The following KIRREL3 variants were observed in gnomAD, a reference collection of about 807,000 sequenced individuals.
KIRREL3 encodes the protein kirre like nephrin family adhesion molecule 3.
A neutral mutation model predicts 89.7 loss-of-function variants in KIRREL3; 36 were observed. That is an observed-to-expected ratio of 0.40 (90% CI 0.31 to 0.53). The LOEUF (loss-of-function observed/expected upper bound fraction) is 0.53, where lower values mean the gene tolerates loss of function less well. Among genes scored for constraint, KIRREL3 ranks in the 20% least tolerant of loss-of-function variants. KIRREL3 has a pLI of 0.49. For synonymous variants in KIRREL3, 445 were observed against 441.4 expected (o/e 1.01, Z -0.10); for missense variants, 864 against 1,056.6 (o/e 0.82, Z 2.53).
intron 1 of KIRREL3, among the ~76,000 whole-genome samples, chr11:126,758,173 T>C (rs1248094722): frequency 6.6e-6 from 1 of 152,254 alleles, no homozygotes; most frequent in Non-Finnish European, 1.5e-5. Flanking sequence ...TAAATGACTT[T>C]TCGATAAAGC....
chr11:126,426,042 A>T (rs1460791436), intron 15 of KIRREL3, among the ~76,000 whole-genome samples: 1 of 152,250 alleles, frequency 6.6e-6, no homozygotes, highest in Non-Finnish European at 1.5e-5. Context: ...AATTCCATTG[A>T]CTGAACGTTT....
intron 1 of KIRREL3, among the ~76,000 whole-genome samples, chr11:126,593,627 C>G (rs544932183): frequency 1.8e-4 from 27 of 152,348 alleles, no homozygotes; most frequent in African/African-American, 4.8e-4. Context: ...ATGCATGAGA[C>G]AATCTGGAAT....
chr11:126,952,823 T>G (rs1208653609), intron 1 of KIRREL3, among the ~76,000 whole-genome samples: 1 of 152,124 alleles, frequency 6.6e-6, no homozygotes, highest in South Asian at 2.1e-4. Flanking sequence ...CATCAAAAAG[T>G]CAGGAAACAA....
rs934664244 is a variant in KIRREL3, at chr11:126,555,489, G to A, written c.133+7346C>T. On this transcript the variant is annotated intron_variant, in intron 2 of 16. Transcript: ENST00000525144. The surrounding 1 kb of genome is among the most constrained non-coding windows in gnomAD (Gnocchi z 4.2). Reference sequence around the variant, plus strand: ...ATGGGTCAGTGGAGGCATCACTGGAGCAGAGACTTGAGCTGTGATTTGAAG... The same window carrying A: ...ATGGGTCAGTGGAGGCATCACTGGAACAGAGACTTGAGCTGTGATTTGAAG... 3.3e-5 allele frequency among the ~76,000 whole-genome samples: 5 copies of A among 152,184 alleles called. No individual in the cohort carries two copies. Among genetic ancestry groups the A allele is most frequent in the African/African-American group, 1.2e-4 (5 of 41,438 alleles).
intron 1 of KIRREL3, among the ~76,000 whole-genome samples, chr11:126,832,902 T>C (rs1466020451): frequency 6.6e-6 from 1 of 152,130 alleles, no homozygotes; most frequent in Non-Finnish European, 1.5e-5. Context: ...TTTGTTCGAG[T>C]AGACTTCACT....
chr11:126,734,422 G>A lies in KIRREL3; in HGVS notation c.56-171510C>T, dbSNP rs1466292864. ...CTCATGCATGTAATCCCAGCACTTT[G>A]CGTGGCTGAGGTGGGTGGATCACCT... On this transcript the variant is annotated intron_variant, in intron 1 of 16. Transcript: ENST00000525144. This position sits in a 1 kb window ranked among gnomAD's most constrained non-coding sequence, Gnocchi z 5.9. Among the ~76,000 whole-genome samples, 2 of 152,166 alleles carry A rather than the reference G, an allele frequency of 1.3e-5. No homozygotes were observed. Among genetic ancestry groups the A allele is most frequent in the African/African-American group, 4.8e-5 (2 of 41,446 alleles).
Position 126,530,746 on chromosome 11 carries a change from C to T in KIRREL3, c.134-4059G>A, listed in dbSNP as rs542302361. Reference sequence around the variant, plus strand: ...TCCACCGGCCCAGGGTTTCCATCTTCTCCGCTTCGCATTTTCCCTGATGAT... The same window carrying T: ...TCCACCGGCCCAGGGTTTCCATCTTTTCCGCTTCGCATTTTCCCTGATGAT... On this transcript the variant is annotated intron_variant, in intron 2 of 16. Coordinates refer to ENST00000525144, the MANE Select transcript of KIRREL3 (RefSeq NM_032531.4). The surrounding 1 kb of genome is among the most constrained non-coding windows in gnomAD (Gnocchi z 5.8). 1.8e-4 allele frequency among the ~76,000 whole-genome samples: 27 copies of T among 152,334 alleles called. No homozygotes were observed. In the South Asian group the frequency reaches 5.6e-3, roughly 32 times the overall value.
chr11:126,879,708 T>C lies in KIRREL3; in HGVS notation c.55+120747A>G, dbSNP rs1300552293. Among the ~76,000 whole-genome samples, 1 of 152,214 alleles carries C rather than the reference T, an allele frequency of 6.6e-6. No individual in the cohort carries two copies. Among genetic ancestry groups the C allele is most frequent in the Non-Finnish European group, 1.5e-5 (1 of 68,036 alleles). On this transcript the variant is annotated intron_variant, in intron 1 of 16. Transcript: ENST00000525144. The surrounding 1 kb of genome is among the most constrained non-coding windows in gnomAD (Gnocchi z 5.4). ...ATATTTGTGGTTCAGTCATTTAACC[T>C]TTGCACATTTCTGAGTGGGTCATCT...
At chr11:126,577,089 A>G (rs1941293150) in intron 1 of KIRREL3, among the ~76,000 whole-genome samples, 1 of 152,156 alleles carries the variant, frequency 6.6e-6, no homozygotes, top group Non-Finnish European at 1.5e-5. Flanking sequence ...GGAAGAGAGA[A>G]ATAGAATGTC....
chr11:126,485,745 A>G lies in KIRREL3; in HGVS notation c.434-12279T>C, dbSNP rs1957343438. Among the ~76,000 whole-genome samples, 1 of 152,202 alleles carries G rather than the reference A, an allele frequency of 6.6e-6. No homozygotes were observed. The highest frequency in any genetic ancestry group is 2.4e-5 in the African/African-American group (1 of 41,444). On this transcript the variant is annotated intron_variant, in intron 4 of 16. Coordinates refer to ENST00000525144, the MANE Select transcript of KIRREL3 (RefSeq NM_032531.4). The surrounding 1 kb of genome is among the most constrained non-coding windows in gnomAD (Gnocchi z 5.8). Reference sequence around the variant, plus strand: ...TCTTGTTCTGCTATTACCTTGTTCCATGCCCAGCCCTGGACTCCTGAGATG... The same window carrying G: ...TCTTGTTCTGCTATTACCTTGTTCCGTGCCCAGCCCTGGACTCCTGAGATG...
chr11:126,670,815 C>A (rs930628396), intron 1 of KIRREL3, among the ~76,000 whole-genome samples: 1 of 152,172 alleles, frequency 6.6e-6, no homozygotes, highest in Non-Finnish European at 1.5e-5. Flanking sequence ...TTTGTAGATA[C>A]AACAAACTTA....
chr11:126,891,287 G>C lies in KIRREL3; in HGVS notation c.55+109168C>G, dbSNP rs1945909960. Reference sequence around the variant, plus strand: ...TATTCCTTATATCAAAAAGATCCTGGGATATCAAAATATCACTGTCTGACT... The same window carrying C: ...TATTCCTTATATCAAAAAGATCCTGCGATATCAAAATATCACTGTCTGACT... On this transcript the variant is annotated intron_variant, in intron 1 of 16. Transcript: ENST00000525144. This position sits in a 1 kb window ranked among gnomAD's most constrained non-coding sequence, Gnocchi z 5.1. Among the ~76,000 whole-genome samples, 1 of 152,076 alleles carries C rather than the reference G, an allele frequency of 6.6e-6. No homozygotes were observed.
In KIRREL3 at chr11:126,519,286, A is replaced by G. The variant is rs1391383349; in HGVS notation, c.433+2029T>C. ...GCCTGGCCCCTCACCAGCCAGACAG[A>G]TGAGATGCTGCTGGCATCTGGGAAC... On this transcript the variant is annotated intron_variant, in intron 4 of 16. Coordinates refer to ENST00000525144, the MANE Select transcript of KIRREL3 (RefSeq NM_032531.4). This position sits in a 1 kb window ranked among gnomAD's most constrained non-coding sequence, Gnocchi z 4.3. Among the ~76,000 whole-genome samples, 2 of 152,206 alleles carry G rather than the reference A, an allele frequency of 1.3e-5. No individual in the cohort carries two copies. Among genetic ancestry groups the G allele is most frequent in the East Asian group, 3.9e-4 (2 of 5,188 alleles).
At chr11:126,488,819 C>T (rs1316807139) in intron 4 of KIRREL3, among the ~76,000 whole-genome samples, 1 of 152,200 alleles carries the variant, frequency 6.6e-6, no homozygotes, top group East Asian at 1.9e-4. Context: ...ATCAAGTTGT[C>T]CCTCTGCTTA....
chr11:126,511,681 G>C (rs1286557344), intron 4 of KIRREL3, among the ~76,000 whole-genome samples: 2 of 152,144 alleles, frequency 1.3e-5, no homozygotes, highest in East Asian at 3.9e-4. Flanking sequence ...TCTGCCTTGG[G>C]TTGTGTGACT....
intron 1 of KIRREL3, among the ~76,000 whole-genome samples, chr11:126,774,768 A>G (rs1443460528): frequency 2.0e-5 from 3 of 152,130 alleles, no homozygotes; most frequent in Non-Finnish European, 4.4e-5. Context: ...TCTCTTGGAG[A>G]CAGAGACGCT....
rs373950632 is a variant in KIRREL3 at position 126,575,264 on chromosome 11, A to G, written c.56-12352T>C. On this transcript the variant is annotated intron_variant, in intron 1 of 16. Coordinates refer to ENST00000525144, the MANE Select transcript of KIRREL3 (RefSeq NM_032531.4). The surrounding 1 kb of genome is among the most constrained non-coding windows in gnomAD (Gnocchi z 7.0). ...GGTTCTCTCTTGGCTCCTGAGGCCA[A>G]GAGAAGCCAGCCTAGGAAGGTTGGA... 2.6e-5 allele frequency among the ~76,000 whole-genome samples: 4 copies of G among 152,320 alleles called. No individual in the cohort carries two copies. In the East Asian group the frequency reaches 7.7e-4, roughly 29 times the overall value.
At position 126,606,031 on chromosome 11, in the gene KIRREL3, C is replaced by T. The variant is rs1288751041; in HGVS notation, c.56-43119G>A. ...ATCTTGGGAAGGAATCCCAGTTGAC[C>T]ACTCATTATCTCTGTAACTAAGTCA... On this transcript the variant is annotated intron_variant, in intron 1 of 16. Transcript: ENST00000525144. This position sits in a 1 kb window ranked among gnomAD's most constrained non-coding sequence, Gnocchi z 4.6. 6.6e-6 allele frequency among the ~76,000 whole-genome samples: 1 copy of T among 152,178 alleles called. No individual in the cohort carries two copies. Among genetic ancestry groups the T allele is most frequent in the African/African-American group, 2.4e-5 (1 of 41,432 alleles).
intron 1 of KIRREL3, among the ~76,000 whole-genome samples, chr11:126,818,624 AGTGT>A (rs758712840): frequency 7.1e-5 from 4 of 56,652 alleles, no homozygotes; most frequent in Non-Finnish European, 1.3e-4. Context: ...TAGTAGTAGT[AGTGT>A]GTGTGTGTGT....
Sources: gnomAD v4.1 joint callset for allele counts (sites outside exome capture counted in the v4.1 genomes callset) on GRCh38, gnomAD v4.1.1 for gene constraint, Gnocchi (gnomAD v3.1) non-coding constraint, MANE v1.5 for transcripts, NCBI Gene and HGNC (gene_info 2026-07-23, HGNC 2026-07-21) for gene names.